Variants in GRIA3 observed in about 807,000 individuals in gnomAD.
The protein encoded by GRIA3 is glutamate ionotropic receptor AMPA type subunit 3.
A neutral mutation model predicts 63.0 loss-of-function variants in GRIA3; 3 were observed. The observed-to-expected ratio is 0.05, with a 90% CI of 0.02 to 0.12. The LOEUF (loss-of-function observed/expected upper bound fraction) is 0.12, where lower values mean the gene tolerates loss of function less well. GRIA3 is among the 10% of genes least tolerant of loss of function. The pLI is 1.00. For synonymous variants in GRIA3, 274 were observed against 257.9 expected, an observed-to-expected ratio of 1.06 and a Z score of -0.60; for missense variants, 347 against 700.9, an observed-to-expected ratio of 0.50 and a Z score of 5.70.
At chrX:123,190,284 T>C (rs183868006) in intron 2 of GRIA3, among the ~76,000 whole-genome samples, 3 of 110,960 alleles carry the variant, frequency 2.7e-5, no homozygotes, top group African/African-American at 9.8e-5. Context: ...GCTCTCCCTC[T>C]CTCCTCTGTC....
chrX:123,252,480 C>A (rs1334317438), intron 2 of GRIA3, among the ~76,000 whole-genome samples: 1 of 112,105 alleles, frequency 8.9e-6, no homozygotes, highest in Non-Finnish European at 1.9e-5. Flanking sequence ...TTATGTTCTA[C>A]TGAAGCTAAT....
intron 12 of GRIA3, among the ~76,000 whole-genome samples, chrX:123,454,058 T>C (rs73541994): frequency 8.9e-6 from 1 of 111,965 alleles, no homozygotes; most frequent in African/African-American, 3.2e-5. Flanking sequence ...TAAGACACTT[T>C]AGTCTCCAAT....
At chrX:123,219,490 C>T (rs1325947773) in intron 2 of GRIA3, among the ~76,000 whole-genome samples, 2 of 112,287 alleles carry the variant, frequency 1.8e-5, no homozygotes, top group Admixed American at 1.9e-4. Context: ...AATAAACACA[C>T]CTCATTGAAT....
rs918111746 is a variant in GRIA3, at chrX:123,446,462, C to A, written c.2076+18323C>A. Among the ~76,000 whole-genome samples the A allele has an allele frequency of 2.7e-5, 3 of 111,698 alleles. No individual in the cohort carries two copies. In the Admixed American group the frequency reaches 2.9e-4, roughly 11 times the overall value. On this transcript the variant is annotated intron_variant, in intron 12 of 15. Transcript: ENST00000620443. ...GGCAGGAAATCCACTTTCTCCACAA[C>A]ACTGACAAGCAGTTTTGAGGCTGAA...
chrX:123,302,135 C>T (rs1413331246), intron 3 of GRIA3, among the ~76,000 whole-genome samples: 2 of 111,949 alleles, frequency 1.8e-5, no homozygotes, highest in Non-Finnish European at 3.8e-5. Context: ...GACTGAACAC[C>T]TTCTGAATAG....
At chrX:123,360,536 A>C (rs1267711771) in intron 5 of GRIA3, among the ~76,000 whole-genome samples, 9 of 102,420 alleles carry the variant, frequency 8.8e-5, no homozygotes, top group Non-Finnish European at 1.4e-4. Flanking sequence ...AAAAAAAAAA[A>C]AAAAAAAAAC....
rs761306897 is a variant in GRIA3 at position 123,253,476 on chromosome X, G to A, written c.442G>A (p.Ala148Thr). 1.2e-5 allele frequency: 15 copies of A among 1,204,577 alleles called. No individual in the cohort carries two copies. The highest frequency in any genetic ancestry group is 5.3e-5 in the South Asian group (3 of 56,651). Residue 148 changes from alanine (A) to threonine (T), a missense_variant, in exon 3 of 16, where the codon GCT becomes ACT. This residue lies in a region of GRIA3 where 113 missense variants were observed against 130.6 expected (regional missense o/e 0.87). Coordinates refer to ENST00000620443, the MANE Select transcript of GRIA3 (RefSeq NM_007325.5). ...VIQMRPALKG[A>T]ILSLLGHYKW... ...CCAGATGCGCCCAGCCTTGAAGGGC[G>A]CTATTCTGAGTCTTCTGGGTCATTA...
chrX:123,363,839 A>G (rs2045193692), intron 5 of GRIA3, among the ~76,000 whole-genome samples: 3 of 112,466 alleles, frequency 2.7e-5, no homozygotes, highest in Admixed American at 9.4e-5. Context: ...TATTTCTAAC[A>G]AATATCACCA....
At chrX:123,349,769 T>A (rs2045080883) in intron 4 of GRIA3, among the ~76,000 whole-genome samples, 1 of 112,396 alleles carries the variant, frequency 8.9e-6, no homozygotes, top group Non-Finnish European at 1.9e-5. Flanking sequence ...AGAGCATGTG[T>A]GTGCAGATTA....
chrX:123,280,648 C>T (rs1385964760), intron 3 of GRIA3, among the ~76,000 whole-genome samples: 1 of 111,624 alleles, frequency 9.0e-6, no homozygotes, highest in Non-Finnish European at 1.9e-5. Flanking sequence ...ACTTGAGGCT[C>T]TTTCAGGGTT....
chrX:123,488,528 T>C (rs1369178625), intron 15 of GRIA3, among the ~76,000 whole-genome samples, 185 bp from the exon 16 acceptor site: 1 of 112,024 alleles, frequency 8.9e-6, no homozygotes, highest in Non-Finnish European at 1.9e-5. Flanking sequence ...CTTAGTACAA[T>C]ACATATAGTA....
In GRIA3 at chrX:123,298,849, GT is replaced by G. The variant is rs1905889169; in HGVS notation, c.509-27172del. ...GCTATTTCCCTGGTTGTCTTCCAGG[GT>G]TTTTATAGTTTTGGGTTTTATATTT... On this transcript the variant is annotated intron_variant, in intron 3 of 15. Transcript: ENST00000620443. 3.6e-5 allele frequency among the ~76,000 whole-genome samples: 4 copies of G among 111,019 alleles called. No homozygotes were observed. In the South Asian group the frequency reaches 1.5e-3, roughly 42 times the overall value.
chrX:123,338,550 A>T (rs775529120), intron 4 of GRIA3, among the ~76,000 whole-genome samples: 1 of 111,234 alleles, frequency 9.0e-6, no homozygotes, highest in Non-Finnish European at 1.9e-5. Flanking sequence ...ACTATATTTT[A>T]TTTATTTATT....
At chrX:123,406,668 C>A (rs1272269847) in intron 10 of GRIA3, among the ~76,000 whole-genome samples, 1 of 111,704 alleles carries the variant, frequency 9.0e-6, no homozygotes, top group African/African-American at 3.3e-5. Flanking sequence ...ATCTACGGGC[C>A]TGGAGCCATC....
At chrX:123,370,932 TA>T (rs1210086005) in intron 5 of GRIA3, among the ~76,000 whole-genome samples, 2 of 110,925 alleles carry the variant, frequency 1.8e-5, no homozygotes, top group Non-Finnish European at 3.8e-5. Flanking sequence ...AATGTATAAG[TA>T]GGTTTTTATT....
intron 1 of GRIA3, among the ~76,000 whole-genome samples, chrX:123,185,300 T>C (rs968226175): frequency 3.6e-5 from 4 of 111,420 alleles, no homozygotes; most frequent in Non-Finnish European, 7.5e-5. Flanking sequence ...CCTGGGCGCC[T>C]GGAGGGAGTT....
At chrX:123,267,750 G>C (rs1365658917) in intron 3 of GRIA3, among the ~76,000 whole-genome samples, 1 of 111,892 alleles carries the variant, frequency 8.9e-6, no homozygotes, top group Non-Finnish European at 1.9e-5. Flanking sequence ...GCATAAAATA[G>C]TGCCTATTCA....
chrX:123,184,464 T>G lies in GRIA3; in HGVS notation c.-72T>G. 1.2e-6 allele frequency: 1 copy of G among 823,788 alleles called. No homozygotes were observed. Among genetic ancestry groups the G allele is most frequent in the East Asian group, 3.1e-5 (1 of 31,982 alleles). 67.9% of individuals were successfully genotyped at this position (823,788 alleles called of 1,213,427 possible). ...GGTGTAAGAGCCAGCGAATTCTTTT[T>G]CTTTTTCTATTATTATTTTGACGAC... On this transcript the variant is annotated 5_prime_UTR_variant, in exon 1 of 16. Coordinates refer to ENST00000620443, the MANE Select transcript of GRIA3 (RefSeq NM_007325.5).
At chrX:123,332,959 T>A (rs924031064) in intron 4 of GRIA3, among the ~76,000 whole-genome samples, 1 of 111,294 alleles carries the variant, frequency 9.0e-6, no homozygotes, top group African/African-American at 3.3e-5. Flanking sequence ...CGCCACTAAA[T>A]AGTAGTGGCT....
Sources: allele counts gnomAD v4.1 joint callset (sites outside exome capture counted in the v4.1 genomes callset), GRCh38; gene constraint gnomAD v4.1.1; regional missense constraint gnomAD v4.1.1; transcripts MANE v1.5; gene names NCBI Gene and HGNC (gene_info 2026-07-23, HGNC 2026-07-21).